Variants in CFAP299 observed in about 807,000 individuals in gnomAD.
The protein encoded by CFAP299 is cilia- and flagella-associated protein 299.
Under a neutral mutation model 27.0 loss-of-function variants are expected in CFAP299, and 21 were observed. The ratio of observed to expected loss-of-function variants is 0.78; its 90% CI spans 0.55 to 1.12. The LOEUF (loss-of-function observed/expected upper bound fraction) is 1.12, where lower values mean the gene tolerates loss of function less well. CFAP299 is among the 50% of genes most tolerant of loss of function. CFAP299 has a pLI of 0.00. For synonymous variants in CFAP299, 104 were observed against 98.1 expected (o/e 1.06, Z -0.36); for missense variants, 310 against 276.6 (o/e 1.12, Z -0.86).
chr4:80,781,155 A>T (rs1378288945), intron 3 of CFAP299, among the ~76,000 whole-genome samples: 1 of 152,036 alleles, frequency 6.6e-6, no homozygotes, highest in Admixed American at 6.6e-5. Flanking sequence ...AATAATTTTT[A>T]AAATCCTGTT....
intron 3 of CFAP299, among the ~76,000 whole-genome samples, chr4:80,834,729 AGTTCTTACCACAT>A (rs1337441908): frequency 6.6e-6 from 1 of 152,174 alleles, no homozygotes; most frequent in Non-Finnish European, 1.5e-5. Flanking sequence ...CGGACAGGGC[AGTTCTTACCACAT>A]TTCACATATA....
chr4:80,344,349 A>G (rs1005019998), intron 1 of CFAP299, among the ~76,000 whole-genome samples: 4 of 152,164 alleles, frequency 2.6e-5, no homozygotes, highest in Admixed American at 6.5e-5. Context: ...AAATACAACC[A>G]TCAGATAATA....
chr4:80,669,306 C>T (rs552163983), intron 3 of CFAP299, among the ~76,000 whole-genome samples: 7 of 151,114 alleles, frequency 4.6e-5, no homozygotes, highest in Admixed American at 2.6e-4. Context: ...TGGCATGTGC[C>T]GTGCCTGGCT....
At chr4:80,870,646 C>A (rs1298069679) in intron 4 of CFAP299, 1 of 985,632 alleles carries the variant, frequency 1.0e-6, no homozygotes, top group Admixed American at 6.1e-5. Context: ...TATCACCTAG[C>A]ATCTACCCTA....
In CFAP299 at chr4:80,962,997, T is replaced by G. The variant is rs1738420842; in HGVS notation, c.607-520T>G. Among the ~76,000 whole-genome samples the G allele has an allele frequency of 2.6e-5, 4 of 152,072 alleles. No individual in the cohort carries two copies. The East Asian group carries it at 7.7e-4, about 29-fold the overall frequency. On this transcript the variant is annotated intron_variant, in intron 5 of 5. Coordinates refer to ENST00000358105, the MANE Select transcript of CFAP299 (RefSeq NM_152770.3). ...TTTTTTTTAAAAAAGATGAAATCCT[T>G]TTAAAAGGTTATAATTTGAAGGAAG...
intron 2 of CFAP299, among the ~76,000 whole-genome samples, chr4:80,548,888 A>T (rs1378912735): frequency 3.9e-5 from 6 of 152,164 alleles, no homozygotes; most frequent in African/African-American, 1.4e-4. Context: ...CTTTATGAGG[A>T]CATGACATTA....
At chr4:80,530,107 G>A (rs1481688315) in intron 2 of CFAP299, among the ~76,000 whole-genome samples, 3 of 152,048 alleles carry the variant, frequency 2.0e-5, no homozygotes, top group South Asian at 4.2e-4. Context: ...CACATTCGTC[G>A]AAAATATTTC....
At position 80,747,795 on chromosome 4, in the gene CFAP299, T is replaced by G. The variant is rs140195910; in HGVS notation, c.334-122198T>G. On this transcript the variant is annotated intron_variant, in intron 3 of 5. Coordinates refer to ENST00000358105, the MANE Select transcript of CFAP299 (RefSeq NM_152770.3). Reference sequence around the variant, plus strand: ...TTTATAGAGCTGTCTCCCCTAGACTTTCTTTTCTCACTGTTACTTCCTCTC... The same window carrying G: ...TTTATAGAGCTGTCTCCCCTAGACTGTCTTTTCTCACTGTTACTTCCTCTC... Among the ~76,000 whole-genome samples, 205 of 152,182 alleles carry G rather than the reference T, an allele frequency of 1.3e-3. 2 individuals are homozygous for G. Among genetic ancestry groups the G allele is most frequent in the African/African-American group, 4.6e-3 (193 of 41,568 alleles).
intron 2 of CFAP299, among the ~76,000 whole-genome samples, chr4:80,532,299 C>T (rs17004932): frequency 0.075 from 11,444 of 152,068 alleles, 620 homozygotes; most frequent in East Asian, 0.25. Flanking sequence ...TAGAAGGATG[C>T]AGCATTTTTC....
chr4:80,820,495 T>A (rs1729644574), intron 3 of CFAP299, among the ~76,000 whole-genome samples: 1 of 151,244 alleles, frequency 6.6e-6, no homozygotes, highest in South Asian at 2.1e-4. Flanking sequence ...TCAGTGTGTT[T>A]AAGGAACAGC....
chr4:80,390,204 G>T (rs371237824), intron 2 of CFAP299, among the ~76,000 whole-genome samples: 4 of 151,298 alleles, frequency 2.6e-5, no homozygotes, highest in Non-Finnish European at 4.4e-5. Context: ...TTGCTATTCC[G>T]TACATTGTAT....
intron 3 of CFAP299, among the ~76,000 whole-genome samples, chr4:80,610,642 A>T (rs932916577): frequency 6.6e-6 from 1 of 152,122 alleles, no homozygotes; most frequent in African/African-American, 2.4e-5. Context: ...TTTTAAAAAA[A>T]GTTTTCATCA....
At chr4:80,321,807 C>T in the CFAP299 span, among the ~76,000 whole-genome samples, 7 of 152,224 alleles carry the variant, frequency 4.6e-5, no homozygotes, top group African/African-American at 4.8e-5. Context: ...AAGCAAGTCC[C>T]GTTGGATGTG....
chr4:80,486,459 AAT>A (rs1730824990), intron 2 of CFAP299, among the ~76,000 whole-genome samples: 1 of 152,190 alleles, frequency 6.6e-6, no homozygotes, highest in South Asian at 2.1e-4. Flanking sequence ...TTCTAGCCCT[AAT>A]ATTGAGTTTT....
At chr4:80,623,258 G>A (rs995655553) in intron 3 of CFAP299, among the ~76,000 whole-genome samples, 6 of 135,532 alleles carry the variant, frequency 4.4e-5, no homozygotes, top group Admixed American at 6.8e-5. Flanking sequence ...TAAACTAATC[G>A]ATGTTAAGAA....
intron 2 of CFAP299, among the ~76,000 whole-genome samples, chr4:80,374,740 A>G (rs1724319862): frequency 6.6e-6 from 1 of 152,074 alleles, no homozygotes; most frequent in Non-Finnish European, 1.5e-5. Context: ...TGTCCACTGC[A>G]TGAAATGAGG....
At chr4:80,579,294 G>A (rs193237339) in intron 2 of CFAP299, among the ~76,000 whole-genome samples, 142 of 152,278 alleles carry the variant, frequency 9.3e-4, no homozygotes, top group African/African-American at 2.6e-3. Flanking sequence ...CTTAGAAGGC[G>A]CAAATCATTT....
intron 2 of CFAP299, among the ~76,000 whole-genome samples, chr4:80,531,759 T>TG (rs763958306): frequency 1.6e-5 from 2 of 127,524 alleles, no homozygotes; most frequent in African/African-American, 6.2e-5. Context: ...TTTTTTTTTT[T>TG]TTTTTTTTTT....
Position 80,689,254 on chromosome 4 carries a change from G to A in CFAP299, c.333+106071G>A, listed in dbSNP as rs938188769. On this transcript the variant is annotated intron_variant, in intron 3 of 5. Coordinates refer to ENST00000358105, the MANE Select transcript of CFAP299 (RefSeq NM_152770.3). ...ACACATAATTGTCAGATTCACCAAC[G>A]TTGAAATGAAGGAAAAAATGTTAAG... 2.4e-3 allele frequency among the ~76,000 whole-genome samples: 362 copies of A among 152,212 alleles called. 1 individual carries two copies. Among genetic ancestry groups the A allele is most frequent in the African/African-American group, 8.3e-3 (344 of 41,522 alleles).
Sources: gnomAD v4.1 joint callset for allele counts (sites outside exome capture counted in the v4.1 genomes callset) on GRCh38, gnomAD v4.1.1 for gene constraint, MANE v1.5 for transcripts, NCBI Gene and HGNC (gene_info 2026-07-23, HGNC 2026-07-21) for gene names.